The following RUNX2 variants were observed in gnomAD, a reference collection of about 807,000 sequenced individuals.
RUNX2 encodes RUNX family transcription factor 2, also known as runt-related transcription factor 2.
RUNX2 carries 10 observed loss-of-function variants against 51.7 expected under a neutral mutation model. The observed-to-expected ratio is 0.19, with a 90% CI of 0.12 to 0.33. The LOEUF is 0.33. Among genes scored for constraint, RUNX2 ranks in the 10% least tolerant of loss-of-function variants. The pLI, the probability that RUNX2 is intolerant of heterozygous loss-of-function variation, is 1.00. For synonymous variants in RUNX2, 276 were observed against 273.6 expected (o/e 1.01, Z -0.09); for missense variants, 562 against 691.3 (o/e 0.81, Z 2.10).
intron 7 of RUNX2, among the ~76,000 whole-genome samples, chr6:45,537,264 C>T (rs1219864828): frequency 6.6e-6 from 1 of 152,136 alleles, no homozygotes; most frequent in Non-Finnish European, 1.5e-5. Flanking sequence ...CCAGGGCTGT[C>T]AGTGATAATT....
intron 7 of RUNX2, among the ~76,000 whole-genome samples, chr6:45,527,596 TTTAA>T (rs1801709530): frequency 6.6e-6 from 1 of 152,212 alleles, no homozygotes; most frequent in Non-Finnish European, 1.5e-5. Context: ...CTTTTACAAG[TTTAA>T]TTAATGTTTA....
At chr6:45,399,875 C>T (rs1022496351) in intron 2 of RUNX2, among the ~76,000 whole-genome samples, 2 of 139,440 alleles carry the variant, frequency 1.4e-5, no homozygotes, top group South Asian at 2.3e-4. Context: ...GAATATAATA[C>T]ATTCTTATTT....
chr6:45,364,483 A>G (rs1794796563), intron 2 of RUNX2, among the ~76,000 whole-genome samples: 1 of 152,086 alleles, frequency 6.6e-6, no homozygotes, highest in Admixed American at 6.5e-5. Context: ...GAGCACTATA[A>G]TATCTTGCCC....
intron 2 of RUNX2, among the ~76,000 whole-genome samples, chr6:45,382,730 A>G (rs1797268459): frequency 6.6e-6 from 1 of 152,186 alleles, no homozygotes; most frequent in African/African-American, 2.4e-5. Flanking sequence ...TTGGCAGAAG[A>G]TTGACATCGT....
At chr6:45,334,856 T>C (rs1257361756) in intron 2 of RUNX2, among the ~76,000 whole-genome samples, 2 of 151,230 alleles carry the variant, frequency 1.3e-5, no homozygotes, top group Non-Finnish European at 3.0e-5. Context: ...TGTCAATCTA[T>C]AAAACCAGTA....
chr6:45,343,154 C>T (rs75077187), intron 2 of RUNX2, among the ~76,000 whole-genome samples: 3,100 of 152,198 alleles, frequency 0.02, 43 homozygotes, highest in Non-Finnish European at 0.032. Context: ...TAAGTCTAAA[C>T]TCATACTCAT....
At chr6:45,344,062 G>A (rs1197015647) in intron 2 of RUNX2, among the ~76,000 whole-genome samples, 6 of 152,040 alleles carry the variant, frequency 3.9e-5, no homozygotes, top group Non-Finnish European at 8.8e-5. Flanking sequence ...TGAGACAATT[G>A]TATATATGAA....
chr6:45,388,217 A>G (rs1797396033), intron 2 of RUNX2, among the ~76,000 whole-genome samples: 1 of 152,222 alleles, frequency 6.6e-6, no homozygotes, highest in South Asian at 2.1e-4. Flanking sequence ...GAAAAAAGAA[A>G]TGAGAACTTG....
At chr6:45,432,089 G>A in intron 4 of RUNX2, 70 bp downstream of exon 4, 1 of 1,405,450 alleles carries the variant, frequency 7.1e-7, no homozygotes, top group Non-Finnish European at 1.0e-6. Flanking sequence ...ATGTAGACTA[G>A]TCTGTATACA....
At chr6:45,449,468 CATT>C (rs529522637) in intron 5 of RUNX2, among the ~76,000 whole-genome samples, 44 of 152,326 alleles carry the variant, frequency 2.9e-4, no homozygotes, top group Admixed American at 5.2e-4. Context: ...CCTGAGAACT[CATT>C]TGTCCTATGT....
chr6:45,394,033 C>T (rs570716412), intron 2 of RUNX2, among the ~76,000 whole-genome samples: 2 of 151,974 alleles, frequency 1.3e-5, no homozygotes, highest in Admixed American at 6.5e-5. Flanking sequence ...CTGCCTCAGC[C>T]TCCTGAGTAG....
chr6:45,491,856 C>A (rs1800485633), intron 5 of RUNX2, 85 bp from the exon 6 acceptor site: 1 of 1,366,608 alleles, frequency 7.3e-7, no homozygotes, highest in Admixed American at 1.7e-5. Flanking sequence ...CTTAAACTCC[C>A]AGTTTGTATG....
At chr6:45,518,939 G>C (rs1033004406) in intron 7 of RUNX2, among the ~76,000 whole-genome samples, 3 of 152,158 alleles carry the variant, frequency 2.0e-5, no homozygotes, top group Admixed American at 2.0e-4. Context: ...GGACACCTGA[G>C]TTTTCATTTC....
At chr6:45,459,449 A>T (rs1354967551) in intron 5 of RUNX2, among the ~76,000 whole-genome samples, 1 of 152,248 alleles carries the variant, frequency 6.6e-6, no homozygotes, top group African/African-American at 2.4e-5. Flanking sequence ...GCTACACACA[A>T]GTTTGGAATA....
At chr6:45,520,812 C>T (rs1801484218) in intron 7 of RUNX2, among the ~76,000 whole-genome samples, 1 of 150,870 alleles carries the variant, frequency 6.6e-6, no homozygotes, top group Admixed American at 6.6e-5. Flanking sequence ...CCTCTGCCTC[C>T]CAGGTTCAAA....
At chr6:45,489,193 G>A (rs996649134) in intron 5 of RUNX2, among the ~76,000 whole-genome samples, 4 of 152,170 alleles carry the variant, frequency 2.6e-5, no homozygotes, top group Admixed American at 6.5e-5. Flanking sequence ...GTGTGCATCT[G>A]CAGATAAATG....
intron 7 of RUNX2, among the ~76,000 whole-genome samples, chr6:45,541,557 C>T (rs1802230179): frequency 6.6e-6 from 1 of 152,170 alleles, no homozygotes; most frequent in Non-Finnish European, 1.5e-5. Flanking sequence ...GCAATAACTC[C>T]TACCATTTAA....
At chr6:45,439,308 G>A (rs1173797980) in intron 5 of RUNX2, among the ~76,000 whole-genome samples, 1 of 152,208 alleles carries the variant, frequency 6.6e-6, no homozygotes, top group African/African-American at 2.4e-5. Flanking sequence ...GTTTGGGAAT[G>A]TCCTGTTAGG....
intron 2 of RUNX2, among the ~76,000 whole-genome samples, chr6:45,396,848 A>C (rs1445867354): frequency 1.3e-5 from 2 of 152,194 alleles, no homozygotes; most frequent in African/African-American, 4.8e-5. Flanking sequence ...TTATTCCTTT[A>C]TATCACTGAA....
Sources: gnomAD v4.1 joint callset for allele counts (sites outside exome capture counted in the v4.1 genomes callset) on GRCh38, gnomAD v4.1.1 for gene constraint, MANE v1.5 for transcripts, NCBI Gene and HGNC (gene_info 2026-07-23, HGNC 2026-07-21) for gene names.